OR2T33: variants seen among roughly 807,000 people sequenced by gnomAD.
The protein encoded by OR2T33 is olfactory receptor 2T33.
OR2T33 carries 10 observed loss-of-function variants against 14.0 expected under a neutral mutation model. That is an observed-to-expected ratio of 0.72 (90% CI 0.44 to 1.22). The LOEUF (loss-of-function observed/expected upper bound fraction) is 1.22, where lower values mean the gene tolerates loss of function less well. Ranked by LOEUF, OR2T33 falls within the 50% of genes most tolerant of loss-of-function variation. OR2T33 has a pLI of 0.00. For synonymous variants in OR2T33, 103 were observed against 159.4 expected (o/e 0.65, Z 2.66); for missense variants, 276 against 405.9 (o/e 0.68, Z 2.75).
chr1:248,276,630 T>C (rs1487580112), intron 1 of OR2T33, among the ~76,000 whole-genome samples: 1 of 151,858 alleles, frequency 6.6e-6, no homozygotes, highest in Non-Finnish European at 1.5e-5. Context: ...AGAGTAAACA[T>C]CACTTTAATT....
In OR2T33 at chr1:248,273,326, G is replaced by A. The variant is rs552033665; in HGVS notation, c.489C>T (p.Ser163=). ...DGLLQAVVTL[S]FPYCGAHEID... is the part of the protein sequence containing the mutation. The stretch of plus-strand genomic sequence containing the variant: ...TCTCGTGTGCACCACAATATGGGAA[G>A]CTCAGGGTAACAACAGCCTGCAGGA... The change falls in exon 2 of 2, where the codon AGC becomes AGT. Residue 163 remains serine, a synonymous_variant. Coordinates refer to ENST00000641220, the MANE Select transcript of OR2T33 (RefSeq NM_001004695.2). 4.3e-6 allele frequency: 7 copies of A among 1,611,736 alleles called. No homozygotes were observed. The South Asian group carries it at 7.7e-5, about 18-fold the overall frequency.
rs371536079 is a variant in OR2T33 at position 248,275,434 on chromosome 1, TA to T, written c.-8-1613del. Among the ~76,000 whole-genome samples, 138 of 152,338 alleles carry T rather than the reference TA, an allele frequency of 9.1e-4. 1 individual carries two copies. Among genetic ancestry groups the T allele is most frequent in the African/African-American group, 3.2e-3 (134 of 41,564 alleles). On this transcript the variant is annotated intron_variant, in intron 1 of 1. Coordinates refer to ENST00000641220, the MANE Select transcript of OR2T33 (RefSeq NM_001004695.2). The stretch of plus-strand genomic sequence containing the variant: ...TGTAGTGTATGCAGTCCCTTTATTT[TA>T]CATACTATTTAAAGTATCTTTCTCA...
intron 1 of OR2T33, among the ~76,000 whole-genome samples, chr1:248,275,156 G>C (rs995238289): frequency 2.0e-5 from 3 of 152,152 alleles, no homozygotes; most frequent in Admixed American, 2.0e-4. Flanking sequence ...CTCATACACA[G>C]ATGGTCTCAT....
In OR2T33 at chr1:248,273,910, C is replaced by G. The variant is rs556638229; in HGVS notation, c.-8-88G>C. ...TTTGACTGCACAGTTTCCGGACATACGTACTGGGTATGTTATCCCAGGTAG... is the reference window on the plus strand; with the variant it reads ...TTTGACTGCACAGTTTCCGGACATAGGTACTGGGTATGTTATCCCAGGTAG... On this transcript the variant is annotated intron_variant, in intron 1 of 1. Transcript: ENST00000641220. 3.3e-6 allele frequency: 5 copies of G among 1,506,830 alleles called. No homozygotes were observed. In the African/African-American group the frequency reaches 4.3e-5, roughly 13 times the overall value. 93.3% of individuals were successfully genotyped at this position (1,506,830 alleles called of 1,614,324 possible). A position where few individuals can be genotyped will look rare whatever the true frequency, so the allele number is the denominator to read the frequency against.
At chr1:248,275,141 C>G (rs1659433157) in intron 1 of OR2T33, among the ~76,000 whole-genome samples, 3 of 152,118 alleles carry the variant, frequency 2.0e-5, no homozygotes, top group Admixed American at 6.5e-5. Context: ...GATTTTAGAC[C>G]TCATCTCATA....
chr1:248,272,559 C>T lies in OR2T33; in HGVS notation c.*293G>A. 2.5e-5 allele frequency: 8 copies of T among 314,728 alleles called. No individual in the cohort carries two copies. The highest frequency in any genetic ancestry group is 2.9e-5 in the Non-Finnish European group (5 of 173,082). The allele number at this position is 314,728 out of a possible 1,614,324, so 19.5% of individuals were successfully genotyped here. A position where few individuals can be genotyped will look rare whatever the true frequency, so the allele number is the denominator to read the frequency against. On this transcript the variant is annotated 3_prime_UTR_variant, in exon 2 of 2. Transcript: ENST00000641220. ...GTGTGAAATTGGGAACAATATTTAC[C>T]TTTCCATGCATTAATTTCTTTTTTT...
chr1:248,275,124 T>C (rs867337172), intron 1 of OR2T33, among the ~76,000 whole-genome samples: 1 of 152,212 alleles, frequency 6.6e-6, no homozygotes, highest in Non-Finnish European at 1.5e-5. Flanking sequence ...CCTTTGTATA[T>C]TTGCAGGATT....
chr1:248,276,204 A>G (rs1251594111), intron 1 of OR2T33, among the ~76,000 whole-genome samples: 1 of 152,168 alleles, frequency 6.6e-6, no homozygotes, highest in Non-Finnish European at 1.5e-5. Flanking sequence ...GGCAGAGCTC[A>G]GTGGGTAATG....
intron 1 of OR2T33, among the ~76,000 whole-genome samples, chr1:248,274,298 T>G (rs1659424933): frequency 6.6e-6 from 1 of 152,212 alleles, no homozygotes; most frequent in Non-Finnish European, 1.5e-5. Flanking sequence ...AAGTTACAGT[T>G]GCTTTATTTT....
In OR2T33 at chr1:248,273,881, A is replaced by C. The variant is rs796659739; in HGVS notation, c.-8-59T>G. On this transcript the variant is annotated intron_variant, in intron 1 of 1. Coordinates refer to ENST00000641220, the MANE Select transcript of OR2T33 (RefSeq NM_001004695.2). The stretch of plus-strand genomic sequence containing the variant: ...GGAAGAGGCTTTTATGGTCTGAATA[A>C]CTGTTTGACTGCACAGTTTCCGGAC... The C allele has an allele frequency of 7.2e-5, 111 of 1,551,492 alleles. 1 individual carries two copies. The South Asian group carries it at 1.3e-3, about 18-fold the overall frequency.
intron 1 of OR2T33, among the ~76,000 whole-genome samples, chr1:248,274,140 T>A (rs1284331406): frequency 6.6e-6 from 1 of 152,212 alleles, no homozygotes; most frequent in African/African-American, 2.4e-5. Flanking sequence ...GTATTAATAT[T>A]ATTGTGTTTT....
At chr1:248,274,951 G>C (rs543876070) in intron 1 of OR2T33, among the ~76,000 whole-genome samples, 1 of 152,140 alleles carries the variant, frequency 6.6e-6, no homozygotes, top group Non-Finnish European at 1.5e-5. Context: ...GCTTTTGCAG[G>C]TTGAGGACTG....
intron 1 of OR2T33, among the ~76,000 whole-genome samples, chr1:248,277,489 C>G (rs1308577586): frequency 1.3e-5 from 2 of 152,118 alleles, no homozygotes; most frequent in Admixed American, 1.3e-4. Context: ...AAAGAATCCT[C>G]TAATACAAAT....
intron 1 of OR2T33, among the ~76,000 whole-genome samples, chr1:248,276,524 C>G (rs893462306): frequency 1.3e-5 from 2 of 152,048 alleles, no homozygotes; most frequent in South Asian, 2.1e-4. Context: ...AGTCTAAGAT[C>G]TGAAAATTCT....
rs113971901 is a variant in OR2T33 at position 248,273,996 on chromosome 1, G to A, written c.-8-174C>T. Among the ~76,000 whole-genome samples the A allele has an allele frequency of 2.9e-3, 437 of 152,222 alleles. 4 individuals carry two copies. Among genetic ancestry groups the A allele is most frequent in the African/African-American group, 0.01 (423 of 41,512 alleles). ...TTCCTGACCTGGCATTCACTTCTCT[G>A]TAGCTCAACTTTTTAATGTTTTAAC... is the stretch of plus-strand genomic sequence containing the variant. On this transcript the variant is annotated intron_variant, in intron 1 of 1. Coordinates refer to ENST00000641220, the MANE Select transcript of OR2T33 (RefSeq NM_001004695.2).
At chr1:248,275,570 G>C (rs1659438143) in intron 1 of OR2T33, among the ~76,000 whole-genome samples, 1 of 152,164 alleles carries the variant, frequency 6.6e-6, no homozygotes, top group African/African-American at 2.4e-5. Flanking sequence ...ATGGATAAAG[G>C]AGGGCAGGAC....
intron 1 of OR2T33, among the ~76,000 whole-genome samples, chr1:248,276,882 A>C (rs922423881): frequency 1.1e-4 from 17 of 151,920 alleles, no homozygotes; most frequent in African/African-American, 3.1e-4. Flanking sequence ...TTTTTTGAAT[A>C]AAGGATTTTT....
intron 1 of OR2T33, among the ~76,000 whole-genome samples, chr1:248,274,822 T>C (rs893091845): frequency 6.6e-6 from 1 of 152,208 alleles, no homozygotes; most frequent in Non-Finnish European, 1.5e-5. Context: ...AATACTTAAA[T>C]TGATATTTGG....
intron 1 of OR2T33, among the ~76,000 whole-genome samples, chr1:248,277,234 C>T (rs1397522880): frequency 6.6e-6 from 1 of 151,836 alleles, no homozygotes; most frequent in Non-Finnish European, 1.5e-5. Flanking sequence ...AATGTTGTGT[C>T]TATTAACTTC....
Sources: gnomAD v4.1 joint callset for allele counts (sites outside exome capture counted in the v4.1 genomes callset) on GRCh38, gnomAD v4.1.1 for gene constraint, MANE v1.5 for transcripts, NCBI Gene and HGNC (gene_info 2026-07-23, HGNC 2026-07-21) for gene names.